The following DOCK1 variants were observed in gnomAD, a reference collection of about 807,000 sequenced individuals.
The protein encoded by DOCK1 is dedicator of cytokinesis 1.
In DOCK1, 138 loss-of-function variants were observed where a neutral mutation model predicts 262.7. The observed-to-expected ratio is 0.53, with a 90% CI of 0.46 to 0.61. The LOEUF is 0.61. DOCK1 is among the 20% of genes least tolerant of loss of function. The pLI is 0.00. For synonymous variants in DOCK1, 866 were observed against 867.4 expected (o/e 1.00, Z 0.03); for missense variants, 1,908 against 2,370.7 (o/e 0.80, Z 4.05).
At chr10:127,435,172 G>C (rs1399756097) in intron 48 of DOCK1, among the ~76,000 whole-genome samples, 1 of 152,128 alleles carries the variant, frequency 6.6e-6, no homozygotes, top group African/African-American at 2.4e-5. Context: ...TGTAAAGTTT[G>C]TTCTTCTACA....
intron 27 of DOCK1, among the ~76,000 whole-genome samples, chr10:127,222,334 C>G (rs2058467602): frequency 6.6e-6 from 1 of 152,222 alleles, no homozygotes; most frequent in Admixed American, 6.5e-5. Context: ...CTCTTCACAT[C>G]TCTGAAAAAC....
chr10:127,381,959 AT>A (rs2065851137), intron 37 of DOCK1, among the ~76,000 whole-genome samples: 6 of 14,230 alleles, frequency 4.2e-4, no homozygotes, highest in Admixed American at 2.7e-3. Context: ...ACAGTGACGT[AT>A]GGATGGATGG....
chr10:127,332,078 A>G (rs2063008406), intron 29 of DOCK1, among the ~76,000 whole-genome samples: 1 of 152,228 alleles, frequency 6.6e-6, no homozygotes, highest in African/African-American at 2.4e-5. Context: ...TTCCTTGGCC[A>G]GGAATGCTGT....
chr10:127,030,778 C>A (rs1265596917), intron 16 of DOCK1, among the ~76,000 whole-genome samples: 1 of 152,020 alleles, frequency 6.6e-6, no homozygotes, highest in African/African-American at 2.4e-5. Context: ...ACAAGATTCT[C>A]TATCAATCTA....
chr10:127,088,910 C>A (rs557464445), intron 23 of DOCK1, among the ~76,000 whole-genome samples: 2 of 151,954 alleles, frequency 1.3e-5, no homozygotes, highest in East Asian at 3.9e-4. Context: ...CCTGGTGATA[C>A]GGCCCCACCG....
At chr10:127,282,293 A>AG (rs1219156667) in intron 29 of DOCK1, among the ~76,000 whole-genome samples, 2 of 152,002 alleles carry the variant, frequency 1.3e-5, no homozygotes, top group East Asian at 3.9e-4. Context: ...CTCTGAAAGA[A>AG]GTCCTGTTGG....
intron 30 of DOCK1, among the ~76,000 whole-genome samples, chr10:127,339,486 C>A (rs1220683344): frequency 6.6e-6 from 1 of 152,110 alleles, no homozygotes; most frequent in East Asian, 1.9e-4. Flanking sequence ...ACTCTGTGTT[C>A]CCTCCATATC....
chr10:127,040,479 C>T (rs899354016), intron 19 of DOCK1, among the ~76,000 whole-genome samples: 6 of 152,286 alleles, frequency 3.9e-5, no homozygotes, highest in Non-Finnish European at 5.9e-5. Context: ...GGATGAGGCT[C>T]ATGCTGGGCA....
intron 27 of DOCK1, among the ~76,000 whole-genome samples, chr10:127,185,483 A>G (rs2056145019): frequency 6.6e-6 from 1 of 152,172 alleles, no homozygotes; most frequent in African/African-American, 2.4e-5. Context: ...CCGAGATTGC[A>G]CCACTGCACT....
chr10:127,254,718 G>A (rs1373731103), intron 28 of DOCK1, among the ~76,000 whole-genome samples: 1 of 152,190 alleles, frequency 6.6e-6, no homozygotes, highest in Non-Finnish European at 1.5e-5. Context: ...GCTGGTCCTT[G>A]TCCATAATGG....
rs193074169 is a variant in DOCK1 at position 127,101,388 on chromosome 10, T to C, written c.2446-4843T>C. ...TGTTTCTTCTGAATTCCGTTCTCTC[T>C]GTCCTGTCTTTGTTCTGTCACCCAG... On this transcript the variant is annotated intron_variant, in intron 23 of 51. Coordinates refer to ENST00000623213, the MANE Select transcript of DOCK1 (RefSeq NM_001290223.2). Among the ~76,000 whole-genome samples, 3 of 152,298 alleles carry C rather than the reference T, an allele frequency of 2.0e-5. No individual in the cohort carries two copies. The East Asian group carries it at 5.8e-4, about 29-fold the overall frequency.
At chr10:127,303,965 C>G (rs190646759) in intron 29 of DOCK1, among the ~76,000 whole-genome samples, 4 of 152,160 alleles carry the variant, frequency 2.6e-5, no homozygotes, top group African/African-American at 9.7e-5. Flanking sequence ...CTTATCAACC[C>G]GAAGAATTCC....
At chr10:127,244,559 T>C (rs752824040) in intron 27 of DOCK1, among the ~76,000 whole-genome samples, 2 of 152,206 alleles carry the variant, frequency 1.3e-5, no homozygotes, top group Non-Finnish European at 2.9e-5. Flanking sequence ...ATTATCATCA[T>C]TGAAATACTT....
At chr10:126,934,404 C>T (rs2034407067) in intron 1 of DOCK1, among the ~76,000 whole-genome samples, 1 of 152,224 alleles carries the variant, frequency 6.6e-6, no homozygotes, top group African/African-American at 2.4e-5. Context: ...ACCACTGGGG[C>T]TCTGTTGCAG....
chr10:127,056,194 C>T (rs946495189), intron 22 of DOCK1, among the ~76,000 whole-genome samples: 1 of 150,936 alleles, frequency 6.6e-6, no homozygotes, highest in Non-Finnish European at 1.5e-5. Flanking sequence ...TGCTGCTGCT[C>T]CTGATCATGA....
At chr10:127,331,551 G>T (rs1045845910) in intron 29 of DOCK1, among the ~76,000 whole-genome samples, 4 of 152,116 alleles carry the variant, frequency 2.6e-5, no homozygotes, top group African/African-American at 9.6e-5. Flanking sequence ...CAAAGTGCTG[G>T]GATTACAGGC....
Position 127,175,476 on chromosome 10 carries a change from C to T in DOCK1, c.2847+47712C>T. The T allele has an allele frequency of 2.5e-6, 4 of 1,609,378 alleles. No homozygotes were observed. In the South Asian group the frequency reaches 3.3e-5, roughly 13 times the overall value. On this transcript the variant is annotated intron_variant, in intron 27 of 51. Transcript: ENST00000623213. The surrounding 1 kb of genome is among the most constrained non-coding windows in gnomAD (Gnocchi z 6.3). ...GGACAGGCACTGCATCGGGGGTGAG[C>T]AGGCCAGGGCAGTTTCCGAGGGCGC...
At chr10:127,256,979 A>G (rs575100733) in intron 28 of DOCK1, among the ~76,000 whole-genome samples, 1 of 152,348 alleles carries the variant, frequency 6.6e-6, no homozygotes, top group South Asian at 2.1e-4. Context: ...TAGAGCAAAC[A>G]TAAGAAAAAG....
intron 1 of DOCK1, among the ~76,000 whole-genome samples, chr10:126,937,168 C>T (rs924837629): frequency 1.3e-5 from 2 of 152,140 alleles, no homozygotes; most frequent in Non-Finnish European, 2.9e-5. Context: ...GTCGTAATTT[C>T]CTTTCTTTGT....
Sources: allele counts gnomAD v4.1 joint callset (sites outside exome capture counted in the v4.1 genomes callset), GRCh38; gene constraint gnomAD v4.1.1; non-coding constraint Gnocchi (gnomAD v3.1); transcripts MANE v1.5; gene names NCBI Gene and HGNC (gene_info 2026-07-23, HGNC 2026-07-21).